The following EXOC6B variants were observed in gnomAD, a reference collection of about 807,000 sequenced individuals.
The protein encoded by EXOC6B is exocyst complex component 6B, also known as SEC15 homolog B.
EXOC6B carries 54 observed loss-of-function variants against 113.5 expected under a neutral mutation model. The observed-to-expected ratio is 0.48, with a 90% CI of 0.38 to 0.60. The LOEUF (loss-of-function observed/expected upper bound fraction) is 0.60. EXOC6B is among the 20% of genes least tolerant of loss of function. The pLI, the probability that EXOC6B is intolerant of heterozygous loss-of-function variation, is 0.00. For synonymous variants in EXOC6B, 357 were observed against 339.0 expected, an observed-to-expected ratio of 1.05 and a Z score of -0.58; for missense variants, 797 against 977.5, an observed-to-expected ratio of 0.82 and a Z score of 2.46.
chr2:72,802,437 T>C (rs184018270), intron 1 of EXOC6B, among the ~76,000 whole-genome samples: 1 of 152,092 alleles, frequency 6.6e-6, no homozygotes, highest in African/African-American at 2.4e-5. Context: ...TATATCTGTA[T>C]CTATTGTGTA....
chr2:72,648,385 A>G (rs530666284), intron 6 of EXOC6B, among the ~76,000 whole-genome samples: 10 of 152,234 alleles, frequency 6.6e-5, no homozygotes, highest in Admixed American at 6.5e-4. Flanking sequence ...TTCCTCAAGG[A>G]TCTAGAACTA....
In EXOC6B at chr2:72,316,358, C is replaced by T. The variant is rs1687513695; in HGVS notation, c.2196+18589G>A. ...CATGGAGCACTTCCTTGATAGCCCT[C>T]CTTCAGTAGCTCTCACTAGAGAAAG... On this transcript the variant is annotated intron_variant, in intron 20 of 21. Coordinates refer to ENST00000272427, the MANE Select transcript of EXOC6B (RefSeq NM_015189.3). 2.6e-5 allele frequency among the ~76,000 whole-genome samples: 4 copies of T among 152,152 alleles called. No individual in the cohort carries two copies. In the South Asian group the frequency reaches 8.3e-4, roughly 32 times the overall value.
chr2:72,219,423 A>G (rs568068985), intron 20 of EXOC6B, among the ~76,000 whole-genome samples: 1 of 152,264 alleles, frequency 6.6e-6, no homozygotes, highest in South Asian at 2.1e-4. Flanking sequence ...TCCATGCTGC[A>G]ATACTGCTTG....
In EXOC6B at chr2:72,823,459, G is replaced by GAAAAAAAAAAAAAAAAAA. The variant is rs1237385156; in HGVS notation, c.113+2321_113+2338dup. ...CCAACTTCTCAAATCAAAGTTTTAA[G>GAAAAAAAAAAAAAAAAAA]AAAAAAAAAAAAAAAAAAACAAAAA... On this transcript the variant is annotated intron_variant, in intron 1 of 21. Transcript: ENST00000272427. Among the ~76,000 whole-genome samples, 32 of 70,010 alleles carry GAAAAAAAAAAAAAAAAAA rather than the reference G, an allele frequency of 4.6e-4. 1 individual carries two copies. The highest frequency in any genetic ancestry group is 1.8e-3 in the African/African-American group (22 of 12,270). 45.9% of individuals were successfully genotyped at this position (70,010 alleles called of 152,430 possible).
rs780648588 is a variant in EXOC6B, at chr2:72,480,698, A to C, written c.1718T>G (p.Leu573Trp). 15 of 1,596,000 alleles carry C rather than the reference A, an allele frequency of 9.4e-6. 1 individual carries two copies. In the Admixed American group the frequency reaches 2.6e-4, roughly 28 times the overall value. ...AGTGATGTTGGTGATAAATTCTTCC[A>C]AGTACTTACAGGATTTCTCCAAATG... ...TTHLEKSCKY[L>W]EEFITNITNV... Residue 573 changes from leucine (L) to tryptophan (W), a missense_variant, in exon 17 of 22, where the codon TTG (leucine) becomes TGG (tryptophan). Physicochemically the swap from Leu to Trp is moderately conservative, Grantham distance 61. Transcript: ENST00000272427.
At chr2:72,197,279 G>T (rs958289751) in intron 20 of EXOC6B, among the ~76,000 whole-genome samples, 1 of 152,094 alleles carries the variant, frequency 6.6e-6, no homozygotes, top group Non-Finnish European at 1.5e-5. Flanking sequence ...TGGGCCAAAA[G>T]GAACATATGC....
intron 18 of EXOC6B, among the ~76,000 whole-genome samples, chr2:72,443,155 T>C (rs1181422442): frequency 6.6e-6 from 1 of 151,604 alleles, no homozygotes; most frequent in Non-Finnish European, 1.5e-5. Flanking sequence ...TGAAACCCCA[T>C]CTCTACTAAA....
intron 16 of EXOC6B, among the ~76,000 whole-genome samples, chr2:72,483,628 T>C (rs1023896967): frequency 6.6e-6 from 1 of 152,220 alleles, no homozygotes; most frequent in East Asian, 1.9e-4. Context: ...TGAGACACTC[T>C]AGGATTACAG....
chr2:72,759,273 TA>T (rs777327534), intron 1 of EXOC6B, among the ~76,000 whole-genome samples: 2 of 152,228 alleles, frequency 1.3e-5, no homozygotes, highest in Admixed American at 1.3e-4. Context: ...CTATAAATAT[TA>T]AAAATTTTTA....
rs993618038 is a variant in EXOC6B, at chr2:72,414,743, C to T, written c.1981-34873G>A. Among the ~76,000 whole-genome samples, 49 of 152,286 alleles carry T rather than the reference C, an allele frequency of 3.2e-4. 1 individual carries two copies. The highest frequency in any genetic ancestry group is 1.6e-3 in the Admixed American group (25 of 15,304). On this transcript the variant is annotated intron_variant, in intron 18 of 21. Transcript: ENST00000272427. The stretch of plus-strand genomic sequence containing the variant: ...AGATTCAAGGTACATCCCAAGAATA[C>T]GATACTCAACTCTACATAAATTTAC...
intron 6 of EXOC6B, among the ~76,000 whole-genome samples, chr2:72,643,899 G>A (rs960702663): frequency 2.0e-5 from 3 of 152,008 alleles, no homozygotes; most frequent in African/African-American, 7.2e-5. Context: ...CTCCTCCAAA[G>A]GATCACAGTT....
At chr2:72,283,971 G>T (rs906771562) in intron 20 of EXOC6B, among the ~76,000 whole-genome samples, 3 of 152,072 alleles carry the variant, frequency 2.0e-5, no homozygotes, top group African/African-American at 7.2e-5. Context: ...AAATATTATA[G>T]AAATTGAACC....
chr2:72,745,648 T>C (rs1681649401), intron 1 of EXOC6B, among the ~76,000 whole-genome samples: 1 of 152,172 alleles, frequency 6.6e-6, no homozygotes, highest in South Asian at 2.1e-4. Context: ...AGTTTCCATC[T>C]GGTTACCAAA....
intron 7 of EXOC6B, among the ~76,000 whole-genome samples, chr2:72,572,142 T>G (rs1704548707): frequency 6.6e-6 from 1 of 151,914 alleles, no homozygotes. Flanking sequence ...AAATCATATT[T>G]AAAAAAAACA....
intron 8 of EXOC6B, among the ~76,000 whole-genome samples, chr2:72,539,641 G>A (rs1702478986): frequency 6.6e-6 from 1 of 151,834 alleles, no homozygotes; most frequent in Non-Finnish European, 1.5e-5. Flanking sequence ...CTCATATTTT[G>A]GTTAACTTTT....
At chr2:72,397,626 A>AAAAT (rs1558625617) in intron 18 of EXOC6B, among the ~76,000 whole-genome samples, 1,631 of 131,604 alleles carry the variant, frequency 0.012, 67 homozygotes, top group African/African-American at 0.047. Context: ...TCAAAAAAAA[A>AAAAT]AAATAAAATA....
At chr2:72,675,011 T>C (rs947024960) in intron 6 of EXOC6B, among the ~76,000 whole-genome samples, 16 of 152,226 alleles carry the variant, frequency 1.1e-4, no homozygotes, top group African/African-American at 3.9e-4. Context: ...AGGCTAATAC[T>C]AAACTTTGAT....
At chr2:72,430,679 T>G (rs1362812720) in intron 18 of EXOC6B, among the ~76,000 whole-genome samples, 1 of 152,150 alleles carries the variant, frequency 6.6e-6, no homozygotes, top group Non-Finnish European at 1.5e-5. Context: ...CTTTGTATCT[T>G]AAAAATTCAT....
At chr2:72,811,850 T>C (rs978473425) in intron 1 of EXOC6B, among the ~76,000 whole-genome samples, 2 of 152,142 alleles carry the variant, frequency 1.3e-5, no homozygotes, top group African/African-American at 4.8e-5. Flanking sequence ...AAATTCACTC[T>C]TTCACAATAA....
Sources: allele counts gnomAD v4.1 joint callset (sites outside exome capture counted in the v4.1 genomes callset), GRCh38; gene constraint gnomAD v4.1.1; transcripts MANE v1.5; gene names NCBI Gene and HGNC (gene_info 2026-07-23, HGNC 2026-07-21).